SYNPO2: variants seen among roughly 807,000 people sequenced by gnomAD.
The protein encoded by SYNPO2 is synaptopodin-2.
In SYNPO2, 56 loss-of-function variants were observed where a neutral mutation model predicts 85.0. That is an observed-to-expected ratio of 0.66 (90% CI 0.53 to 0.82). The LOEUF is 0.82. SYNPO2 is among the 40% of genes least tolerant of loss of function. The pLI is 0.00. For missense variants in SYNPO2, 1,575 were observed against 1,534.2 expected (o/e 1.03, Z -0.44); for synonymous variants, 602 against 591.1 (o/e 1.02, Z -0.27).
chr4:118,907,287 T>C (rs1479496048), intron 1 of SYNPO2, among the ~76,000 whole-genome samples: 1 of 152,200 alleles, frequency 6.6e-6, no homozygotes, highest in African/African-American at 2.4e-5. Context: ...TTACTCAAAC[T>C]TTGGATCCAA....
At chr4:119,048,606 C>A (rs942045087) in intron 4 of SYNPO2, among the ~76,000 whole-genome samples, 13 of 152,102 alleles carry the variant, frequency 8.5e-5, no homozygotes, top group Non-Finnish European at 1.6e-4. Context: ...GCTGAGTGAT[C>A]ATGTAATATT....
chr4:118,983,991 C>T (rs1017145921), intron 1 of SYNPO2, among the ~76,000 whole-genome samples: 2 of 152,168 alleles, frequency 1.3e-5, no homozygotes, highest in African/African-American at 4.8e-5. Flanking sequence ...GTTGACTGGA[C>T]ATGGGGAGCA....
chr4:119,034,126 CTGCAAAGGAAATCTGTTGAA>C (rs1738398596), intron 4 of SYNPO2: 4 of 985,330 alleles, frequency 4.1e-6, no homozygotes, highest in Non-Finnish European at 4.8e-6. Flanking sequence ...TACTTGTTCC[CTGCAAAGGAAATCTGTTGAA>C]TGCTTGCATT....
chr4:118,983,045 TG>T (rs1203096150), intron 1 of SYNPO2, among the ~76,000 whole-genome samples: 1 of 145,140 alleles, frequency 6.9e-6, no homozygotes, highest in African/African-American at 2.6e-5. Flanking sequence ...CCTATCAAAT[TG>T]CTTTCTGTAT....
upstream of SYNPO2, among the ~76,000 whole-genome samples, chr4:118,887,298 T>C (rs1322044446): frequency 1.3e-5 from 2 of 151,948 alleles, no homozygotes; most frequent in Non-Finnish European, 2.9e-5. Flanking sequence ...AGATCCTGAA[T>C]GGGAATAAGT....
intron 4 of SYNPO2, chr4:119,035,068 C>G: frequency 1.0e-6 from 1 of 985,428 alleles, no homozygotes; most frequent in Non-Finnish European, 1.2e-6. Context: ...TTTACGAGTT[C>G]CTATGTTATG....
intron 1 of SYNPO2, among the ~76,000 whole-genome samples, chr4:118,931,991 A>G (rs1056549010): frequency 2.0e-5 from 3 of 152,210 alleles, no homozygotes; most frequent in East Asian, 1.9e-4. Flanking sequence ...CTCTGTTCAT[A>G]TTACTCATTT....
At chr4:118,902,075 C>T (rs1732774806) in intron 1 of SYNPO2, among the ~76,000 whole-genome samples, 1 of 152,052 alleles carries the variant, frequency 6.6e-6, no homozygotes. Flanking sequence ...ATTTCCATGA[C>T]AAATTATTAT....
At chr4:118,924,006 T>C (rs1259191543) in intron 1 of SYNPO2, among the ~76,000 whole-genome samples, 1 of 152,214 alleles carries the variant, frequency 6.6e-6, no homozygotes, top group Non-Finnish European at 1.5e-5. Context: ...ATTTGCACTT[T>C]TATGTAATTT....
intron 1 of SYNPO2, among the ~76,000 whole-genome samples, chr4:118,919,233 C>T (rs556771314): frequency 2.1e-5 from 3 of 141,716 alleles, no homozygotes; most frequent in Non-Finnish European, 4.6e-5. Context: ...TCGATCATTG[C>T]ACTCATTCTT....
intron 1 of SYNPO2, among the ~76,000 whole-genome samples, chr4:118,977,062 CTTGGGTGG>C (rs1735788580): frequency 6.6e-6 from 1 of 152,230 alleles, no homozygotes; most frequent in South Asian, 2.1e-4. Context: ...TTCCTCAGCC[CTTGGGTGG>C]TCGATGGGAC....
intron 1 of SYNPO2, among the ~76,000 whole-genome samples, chr4:118,928,227 G>A (rs1733802390): frequency 6.6e-6 from 1 of 152,224 alleles, no homozygotes; most frequent in Non-Finnish European, 1.5e-5. Flanking sequence ...TTTATGGCAA[G>A]AGGTTTGTTT....
At chr4:118,897,579 TTTTA>T (rs779393280) in intron 1 of SYNPO2, among the ~76,000 whole-genome samples, 6 of 152,110 alleles carry the variant, frequency 3.9e-5, no homozygotes, top group Non-Finnish European at 5.9e-5. Flanking sequence ...CTGGAGAAAA[TTTTA>T]TTTAAGAAAC....
At chr4:118,856,505 C>CTATTT (rs570028561) in intron 1 of SYNPO2, among the ~76,000 whole-genome samples, 151 of 152,082 alleles carry the variant, frequency 9.9e-4, no homozygotes, top group African/African-American at 3.4e-3. Context: ...AATATATATG[C>CTATTT]TATTTTATTT....
At chr4:118,969,617 A>G (rs1038771) in intron 1 of SYNPO2, among the ~76,000 whole-genome samples, 59,814 of 152,016 alleles carry the variant, frequency 0.39, 11,970 homozygotes, top group South Asian at 0.52. Context: ...AATCCCAACA[A>G]TGAGGTAGCC....
intron 1 of SYNPO2, among the ~76,000 whole-genome samples, chr4:118,925,099 T>C (rs1175476102): frequency 1.3e-5 from 2 of 152,184 alleles, no homozygotes; most frequent in African/African-American, 4.8e-5. Flanking sequence ...GATGTAGCAC[T>C]TTGCTAGAAT....
upstream of SYNPO2, among the ~76,000 whole-genome samples, chr4:118,887,910 T>C (rs904149479): frequency 1.3e-5 from 2 of 152,210 alleles, no homozygotes; most frequent in Non-Finnish European, 2.9e-5. Context: ...TAGTATGTTT[T>C]TATGTGGATG....
chr4:118,881,768 T>A (rs999930485), intron 1 of SYNPO2, among the ~76,000 whole-genome samples: 1 of 152,156 alleles, frequency 6.6e-6, no homozygotes, highest in African/African-American at 2.4e-5. Context: ...GGCATCTTCT[T>A]TCACACTGCT....
intron 1 of SYNPO2, among the ~76,000 whole-genome samples, chr4:119,008,016 C>A (rs555102075): frequency 6.6e-6 from 1 of 152,240 alleles, no homozygotes; most frequent in South Asian, 2.1e-4. Flanking sequence ...AAATGAAACA[C>A]AAATGGGAGA....
Sources: allele counts gnomAD v4.1 joint callset (sites outside exome capture counted in the v4.1 genomes callset), GRCh38; gene constraint gnomAD v4.1.1; transcripts MANE v1.5; gene names NCBI Gene and HGNC (gene_info 2026-07-23, HGNC 2026-07-21).